GRIP1: variants seen among roughly 807,000 people sequenced by gnomAD.
The protein encoded by GRIP1 is glutamate receptor interacting protein 1.
A neutral mutation model predicts 129.9 loss-of-function variants in GRIP1; 45 were observed. That is an observed-to-expected ratio of 0.35 (90% CI 0.27 to 0.44). The LOEUF is 0.44. GRIP1 is among the 20% of genes least tolerant of loss of function. The pLI, the probability that GRIP1 is intolerant of heterozygous loss-of-function variation, is 1.00. For missense variants in GRIP1, 1,196 were observed against 1,396.8 expected (o/e 0.86, Z 2.29); for synonymous variants, 530 against 520.8 (o/e 1.02, Z -0.24).
intron 7 of GRIP1, among the ~76,000 whole-genome samples, chr12:66,468,413 T>A (rs2059345798): frequency 6.6e-6 from 1 of 152,222 alleles, no homozygotes. Context: ...GGGCCTTTGA[T>A]ACAATGACTG....
chr12:66,958,650 AT>A (rs2041878453), intron 1 of GRIP1, among the ~76,000 whole-genome samples: 1 of 152,238 alleles, frequency 6.6e-6, no homozygotes, highest in African/African-American at 2.4e-5. Flanking sequence ...AATTTAAGAT[AT>A]CATTTTCAAA....
chr12:66,355,394 C>T lies in GRIP1; in HGVS notation c.3013-1831G>A, dbSNP rs115160937. On this transcript the variant is annotated intron_variant, in intron 23 of 24. Transcript: ENST00000359742. ...TCTGATTTAATCCTTATAACGATTC[C>T]GTAAGATGGGTAAGAGTCTTCATTT... Among the ~76,000 whole-genome samples the T allele has an allele frequency of 9.4e-3, 1,438 of 152,266 alleles. 21 individuals carry two copies. The highest frequency in any genetic ancestry group is 0.033 in the African/African-American group (1,392 of 41,554).
intron 1 of GRIP1, among the ~76,000 whole-genome samples, chr12:66,817,147 G>A (rs994310478): frequency 6.7e-6 from 1 of 150,148 alleles, no homozygotes. Flanking sequence ...ATGACTCTCT[G>A]ACAGGCAGCA....
At chr12:66,415,668 C>T (rs1177364627) in intron 15 of GRIP1, among the ~76,000 whole-genome samples, 1 of 152,038 alleles carries the variant, frequency 6.6e-6, no homozygotes, top group Non-Finnish European at 1.5e-5. Flanking sequence ...ATGGGATCAA[C>T]CCAAATGCCC....
chr12:66,529,882 C>T lies in GRIP1; in HGVS notation c.451G>A (p.Val151Met), dbSNP rs774456921. The change falls in exon 5 of 25, where the codon GTG becomes ATG. Residue 151 changes from valine to methionine, a missense_variant. Coordinates refer to ENST00000359742, the MANE Select transcript of GRIP1 (RefSeq NM_001366722.1). Reference protein sequence around the residue: ...VQGSSVIFRTVEVTLHKEGNT... With the variant: ...VQGSSVIFRTMEVTLHKEGNT... ...CCTTCTTTATGTAATGTGACCTCCA[C>T]TGTTCGGAAAATAACACTTGATCCT... 1 of 1,605,954 alleles carries T rather than the reference C, an allele frequency of 6.2e-7. No homozygotes were observed. The highest frequency in any genetic ancestry group is 1.7e-5 in the Admixed American group (1 of 60,004).
chr12:66,780,557 G>T (rs534853741), intron 1 of GRIP1, among the ~76,000 whole-genome samples: 1 of 152,288 alleles, frequency 6.6e-6, no homozygotes, highest in African/African-American at 2.4e-5. Flanking sequence ...ATGGAGGAAA[G>T]AGAAGATCCA....
chr12:66,702,010 G>C (rs1011052566), intron 1 of GRIP1, among the ~76,000 whole-genome samples: 8 of 152,134 alleles, frequency 5.3e-5, no homozygotes, highest in Admixed American at 5.2e-4. Context: ...ACACATTCAA[G>C]TATCACAGAG....
chr12:66,477,232 T>A (rs1168826213), intron 7 of GRIP1, among the ~76,000 whole-genome samples: 2 of 152,066 alleles, frequency 1.3e-5, no homozygotes, highest in African/African-American at 4.8e-5. Flanking sequence ...TCTACACCAA[T>A]AACAGACAAA....
At chr12:66,958,185 G>A (rs1021814894) in intron 1 of GRIP1, among the ~76,000 whole-genome samples, 2 of 152,142 alleles carry the variant, frequency 1.3e-5, no homozygotes, top group East Asian at 1.9e-4. Flanking sequence ...TGTCACCCAC[G>A]CTACAGTGCA....
At chr12:66,448,010 G>A (rs527843169) in intron 11 of GRIP1, among the ~76,000 whole-genome samples, 4 of 152,196 alleles carry the variant, frequency 2.6e-5, no homozygotes, top group South Asian at 2.1e-4. Flanking sequence ...GCATTTCAGC[G>A]CACAGTTCCA....
At position 67,051,672 on chromosome 12, in the gene GRIP1, CT is replaced by C. The variant is rs1302995126; in HGVS notation, c.58+17377del. Among the ~76,000 whole-genome samples the C allele has an allele frequency of 2.0e-5, 3 of 152,178 alleles. No homozygotes were observed. In the East Asian group the frequency reaches 5.8e-4, roughly 29 times the overall value. On this transcript the variant is annotated intron_variant, in intron 1 of 1. Transcript: ENST00000643019. The stretch of plus-strand genomic sequence containing the variant: ...ATGGAAGCCAGGGAGCTCCTAATGG[CT>C]GTAAATAATGCAAGTTTCCAGTAGC...
chr12:66,789,471 A>G (rs1316861445), intron 1 of GRIP1, among the ~76,000 whole-genome samples: 6 of 152,230 alleles, frequency 3.9e-5, no homozygotes, highest in Admixed American at 3.9e-4. Context: ...GGCTAGAAAG[A>G]CCAAAAAGGA....
chr12:66,714,413 T>C (rs572453271), intron 1 of GRIP1, among the ~76,000 whole-genome samples: 26 of 152,200 alleles, frequency 1.7e-4, no homozygotes, highest in African/African-American at 6.3e-4. Context: ...GGCATAATGA[T>C]CAATGTCGTT....
At chr12:66,657,359 G>A (rs1341446751) in intron 1 of GRIP1, among the ~76,000 whole-genome samples, 1 of 152,138 alleles carries the variant, frequency 6.6e-6, no homozygotes, top group Non-Finnish European at 1.5e-5. Context: ...ACTTTGGGAT[G>A]GGAAGGCAGT....
chr12:66,468,891 A>G (rs932080234), intron 7 of GRIP1, among the ~76,000 whole-genome samples: 1 of 152,224 alleles, frequency 6.6e-6, no homozygotes, highest in African/African-American at 2.4e-5. Context: ...CACAGCTTCT[A>G]CAGTATGCTT....
intron 1 of GRIP1, among the ~76,000 whole-genome samples, chr12:66,900,688 G>C (rs1242197737): frequency 1.3e-5 from 2 of 152,146 alleles, no homozygotes; most frequent in African/African-American, 4.8e-5. Flanking sequence ...GAAGGGAAGG[G>C]CCAAAAAGAT....
intron 1 of GRIP1, among the ~76,000 whole-genome samples, chr12:66,665,115 G>A (rs2033724584): frequency 6.6e-6 from 1 of 151,354 alleles, no homozygotes; most frequent in Non-Finnish European, 1.5e-5. Flanking sequence ...CTCCCTGGGT[G>A]AAGAGAACCT....
intron 1 of GRIP1, among the ~76,000 whole-genome samples, chr12:66,735,179 C>A (rs534163614): frequency 4.6e-5 from 7 of 151,952 alleles, no homozygotes; most frequent in Admixed American, 3.9e-4. Flanking sequence ...TTTATAGGAG[C>A]GTGATTGTTC....
chr12:66,617,085 T>TGTG (rs370300223), intron 1 of GRIP1, among the ~76,000 whole-genome samples: 3,989 of 135,472 alleles, frequency 0.029, 101 homozygotes, highest in Middle Eastern at 0.07. Flanking sequence ...AACAGACGTT[T>TGTG]TGTGTGTGTG....
Sources: gnomAD v4.1 joint callset for allele counts (sites outside exome capture counted in the v4.1 genomes callset) on GRCh38, gnomAD v4.1.1 for gene constraint, MANE v1.5 for transcripts, NCBI Gene and HGNC (gene_info 2026-07-23, HGNC 2026-07-21) for gene names.